STAU2: variants seen among roughly 807,000 people sequenced by gnomAD.
The protein encoded by STAU2 is double-stranded RNA-binding protein Staufen homolog 2.
A neutral mutation model predicts 65.9 loss-of-function variants in STAU2; 20 were observed. The ratio of observed to expected loss-of-function variants is 0.30; its 90% CI spans 0.21 to 0.44. STAU2 has a LOEUF of 0.44. Ranked by LOEUF, STAU2 falls within the 20% of genes least tolerant of loss-of-function variation. The pLI, the probability that STAU2 is intolerant of heterozygous loss-of-function variation, is 1.00. For missense variants in STAU2, 558 were observed against 683.9 expected (o/e 0.82, Z 2.05); for synonymous variants, 232 against 233.9 (o/e 0.99, Z 0.07).
chr8:73,646,034 G>A (rs1815348366), intron 6 of STAU2, among the ~76,000 whole-genome samples: 1 of 152,074 alleles, frequency 6.6e-6, no homozygotes. Context: ...AAGGCAAGCA[G>A]ATCAGAAACA....
chr8:73,641,006 T>C (rs1454719510), intron 6 of STAU2, among the ~76,000 whole-genome samples: 1 of 152,166 alleles, frequency 6.6e-6, no homozygotes, highest in Admixed American at 6.5e-5. Flanking sequence ...CATTCCTAGG[T>C]CATAAATTTC....
intron 4 of STAU2, among the ~76,000 whole-genome samples, chr8:73,692,528 T>C (rs565049834): frequency 2.0e-5 from 3 of 152,314 alleles, no homozygotes; most frequent in African/African-American, 7.2e-5. Flanking sequence ...TGTTCACCTA[T>C]ATACTTTAGA....
At chr8:73,674,381 A>AG (rs1040403733) in intron 5 of STAU2, among the ~76,000 whole-genome samples, 2 of 151,886 alleles carry the variant, frequency 1.3e-5, no homozygotes, top group African/African-American at 4.8e-5. Flanking sequence ...GATCCTAAAG[A>AG]GAAAAAAAAA....
At chr8:73,687,420 A>AATATAAATATATATTTATAAT (rs1212805912) in intron 5 of STAU2, among the ~76,000 whole-genome samples, 7,330 of 129,412 alleles carry the variant, frequency 0.057, 257 homozygotes, top group Middle Eastern at 0.09. Context: ...AATTAATTTA[A>AATATAAATATATATTTATAAT]ATATAAATAT....
chr8:73,535,078 G>C (rs1188835599), intron 13 of STAU2, among the ~76,000 whole-genome samples: 2 of 152,182 alleles, frequency 1.3e-5, no homozygotes, highest in Non-Finnish European at 2.9e-5. Context: ...TCTAACAAAT[G>C]AAACAGATGT....
intron 6 of STAU2, among the ~76,000 whole-genome samples, chr8:73,659,585 T>C (rs529129309): frequency 6.6e-6 from 1 of 152,310 alleles, no homozygotes; most frequent in East Asian, 1.9e-4. Context: ...ACCCAGATTT[T>C]TTTTTAAACA....
At chr8:73,510,992 G>A (rs10095085) in intron 13 of STAU2, among the ~76,000 whole-genome samples, 23 of 152,254 alleles carry the variant, frequency 1.5e-4, no homozygotes, top group African/African-American at 5.5e-4. Flanking sequence ...TCAACTGGCA[G>A]CGCCTGCCTG....
At chr8:73,571,412 A>G (rs905295545) in intron 12 of STAU2, among the ~76,000 whole-genome samples, 1 of 152,246 alleles carries the variant, frequency 6.6e-6, no homozygotes, top group Admixed American at 6.5e-5. Flanking sequence ...AGACATCTAC[A>G]GAACTCTCCA....
intron 6 of STAU2, among the ~76,000 whole-genome samples, chr8:73,656,341 G>C (rs1429808889): frequency 6.6e-6 from 1 of 152,182 alleles, no homozygotes; most frequent in East Asian, 1.9e-4. Flanking sequence ...CACACACTGT[G>C]ATCTACCATC....
chr8:73,655,200 T>A (rs1816262388), intron 6 of STAU2, among the ~76,000 whole-genome samples: 1 of 152,254 alleles, frequency 6.6e-6, no homozygotes, highest in Non-Finnish European at 1.5e-5. Context: ...GCTAAAGTTT[T>A]AATTCACATT....
chr8:73,475,680 T>G (rs1043220682), intron 13 of STAU2, among the ~76,000 whole-genome samples: 1 of 152,224 alleles, frequency 6.6e-6, no homozygotes, highest in East Asian at 1.9e-4. Flanking sequence ...CATTTAATAC[T>G]AATTTAGAAG....
chr8:73,498,660 C>A (rs1821567243), intron 13 of STAU2, among the ~76,000 whole-genome samples: 1 of 151,794 alleles, frequency 6.6e-6, no homozygotes, highest in Middle Eastern at 3.4e-3. Context: ...AACACATAGA[C>A]TAATAATTAT....
At chr8:73,549,750 A>C in intron 13 of STAU2, 1 of 985,828 alleles carries the variant, frequency 1.0e-6, no homozygotes, top group Non-Finnish European at 1.2e-6. Context: ...GTATCTGTTC[A>C]GTGTGCAATA....
Position 73,552,057 on chromosome 8 carries a change from T to G in STAU2, c.1485A>C (p.Gln495His), listed in dbSNP as rs370311327. ...SSPTPPCSPV[Q>H]PSKQLEYLAR... Reference sequence around the variant, plus strand: ...CTAAATATTCCAGTTGTTTTGAAGGTTGTACTGGAGAACAAGGGGGAGTAG... The same window carrying G: ...CTAAATATTCCAGTTGTTTTGAAGGGTGTACTGGAGAACAAGGGGGAGTAG... The change falls in exon 13 of 15, where the codon CAA becomes CAC. Residue 495 changes from glutamine to histidine, a missense_variant. By Grantham distance (24) the Gln-to-His change is conservative. Coordinates refer to ENST00000524300, the MANE Select transcript of STAU2 (RefSeq NM_001164380.2). The G allele has an allele frequency of 6.2e-7, 1 of 1,602,902 alleles. No homozygotes were observed.
chr8:73,570,580 A>C lies in STAU2; in HGVS notation c.1222+12190T>G, dbSNP rs964948050. 5.3e-5 allele frequency among the ~76,000 whole-genome samples: 8 copies of C among 152,234 alleles called. 1 individual carries two copies. The highest frequency in any genetic ancestry group is 9.6e-5 in the African/African-American group (4 of 41,470). On this transcript the variant is annotated intron_variant, in intron 12 of 14. Coordinates refer to ENST00000524300, the MANE Select transcript of STAU2 (RefSeq NM_001164380.2). ...ACCTAGCAAGGCAGGCCAACATTCAAATTCAGGAAATACAGAGAACGCCAC... is the reference window on the plus strand; with the variant it reads ...ACCTAGCAAGGCAGGCCAACATTCACATTCAGGAAATACAGAGAACGCCAC...
chr8:73,428,883 C>T (rs954974735), intron 13 of STAU2, among the ~76,000 whole-genome samples: 10 of 152,120 alleles, frequency 6.6e-5, no homozygotes, highest in Admixed American at 1.3e-4. Context: ...ATCTCCTGGA[C>T]GATTTTATCA....
chr8:73,613,988 G>T, intron 8 of STAU2, 32 bp from the exon 9 acceptor site: 1 of 1,503,310 alleles, frequency 6.7e-7, no homozygotes, highest in Non-Finnish European at 9.0e-7. Context: ...TTAAATAATG[G>T]ATAGGCACTT....
chr8:73,643,352 C>T (rs1451335240), intron 6 of STAU2, among the ~76,000 whole-genome samples: 1 of 152,200 alleles, frequency 6.6e-6, no homozygotes, highest in Non-Finnish European at 1.5e-5. Context: ...ATATTACACA[C>T]ATACAAGAAG....
chr8:73,655,874 T>G (rs1313792888), intron 6 of STAU2, among the ~76,000 whole-genome samples: 2 of 151,986 alleles, frequency 1.3e-5, no homozygotes, highest in African/African-American at 4.8e-5. Context: ...AGTCTCAATC[T>G]CCTGACCTCG....
Sources: allele counts gnomAD v4.1 joint callset (sites outside exome capture counted in the v4.1 genomes callset), GRCh38; gene constraint gnomAD v4.1.1; transcripts MANE v1.5; gene names NCBI Gene and HGNC (gene_info 2026-07-23, HGNC 2026-07-21).